The following HMCN1 variants were observed in gnomAD, a reference collection of about 807,000 sequenced individuals.
The protein encoded by HMCN1 is hemicentin 1, also known as hemicentin-1.
Under a neutral mutation model 625.9 loss-of-function variants are expected in HMCN1, and 321 were observed. The ratio of observed to expected loss-of-function variants is 0.51; its 90% CI spans 0.47 to 0.56. The LOEUF (loss-of-function observed/expected upper bound fraction) is 0.56, where lower values mean the gene tolerates loss of function less well. HMCN1 is among the 20% of genes least tolerant of loss of function. The pLI is 0.00. For missense variants in HMCN1, 6,588 were observed against 6,887.3 expected (o/e 0.96, Z 1.54); for synonymous variants, 2,425 against 2,417.6 (o/e 1.00, Z -0.09).
chr1:185,961,758 A>G (rs1371870541), intron 11 of HMCN1, among the ~76,000 whole-genome samples: 1 of 152,186 alleles, frequency 6.6e-6, no homozygotes, highest in East Asian at 1.9e-4. Flanking sequence ...TCCATTTTCA[A>G]AAGTCTTTTT....
chr1:186,073,735 CTGAG>C (rs996606811), intron 52 of HMCN1, among the ~76,000 whole-genome samples: 1 of 151,016 alleles, frequency 6.6e-6, no homozygotes, highest in Non-Finnish European at 1.5e-5. Flanking sequence ...CAGGAGGAGA[CTGAG>C]TGGCAGTGAA....
chr1:185,882,981 T>C (rs1664403302), intron 4 of HMCN1, among the ~76,000 whole-genome samples: 1 of 152,080 alleles, frequency 6.6e-6, no homozygotes, highest in South Asian at 2.1e-4. Context: ...CTCTGATCTC[T>C]ATTATAGTGC....
At chr1:186,114,206 C>T (rs543836470) in intron 73 of HMCN1, 83 bp downstream of exon 73, 9 of 1,397,668 alleles carry the variant, frequency 6.4e-6, no homozygotes, top group Non-Finnish European at 9.1e-6. Context: ...CTATTTTGGT[C>T]TCATTATGTT....
chr1:186,146,480 T>A (rs989575170), intron 93 of HMCN1, among the ~76,000 whole-genome samples: 16 of 152,160 alleles, frequency 1.1e-4, no homozygotes, highest in African/African-American at 3.6e-4. Flanking sequence ...ATACCTTGTC[T>A]CAGAAGGCAG....
At chr1:185,967,278 C>T (rs572507424) in intron 14 of HMCN1, among the ~76,000 whole-genome samples, 4 of 152,002 alleles carry the variant, frequency 2.6e-5, no homozygotes, top group Non-Finnish European at 5.9e-5. Context: ...GGACTGTGCT[C>T]CTTAATCAAT....
At chr1:186,079,269 T>C (rs530848194) in intron 55 of HMCN1, among the ~76,000 whole-genome samples, 47 of 152,292 alleles carry the variant, frequency 3.1e-4, no homozygotes, top group African/African-American at 1.1e-3. Flanking sequence ...AGGCCAGCTC[T>C]CTCTTGCAGT....
intron 1 of HMCN1, among the ~76,000 whole-genome samples, chr1:185,832,357 A>T (rs1405452126): frequency 6.6e-6 from 1 of 152,160 alleles, no homozygotes; most frequent in African/African-American, 2.4e-5. Flanking sequence ...GGCCAGAAAA[A>T]TTTAGCAAAA....
At chr1:186,134,963 C>T (rs1200344263) in intron 86 of HMCN1, among the ~76,000 whole-genome samples, 2 of 152,160 alleles carry the variant, frequency 1.3e-5, no homozygotes, top group Non-Finnish European at 2.9e-5. Flanking sequence ...CAGGGTGAAC[C>T]TTCCTTTCTA....
intron 86 of HMCN1, among the ~76,000 whole-genome samples, chr1:186,133,811 A>AG (rs1178587192): frequency 2.4e-5 from 3 of 122,628 alleles, no homozygotes; most frequent in Admixed American, 8.6e-5. Context: ...AACAAACCTG[A>AG]GAAAAAATGA....
At chr1:185,927,628 C>A (rs147097360) in intron 9 of HMCN1, among the ~76,000 whole-genome samples, 1 of 152,066 alleles carries the variant, frequency 6.6e-6, no homozygotes, top group Admixed American at 6.6e-5. Flanking sequence ...GGATGGGGAG[C>A]GATCTAGAGA....
At chr1:186,111,780 A>G (rs965546807) in intron 71 of HMCN1, among the ~76,000 whole-genome samples, 1 of 152,234 alleles carries the variant, frequency 6.6e-6, no homozygotes, top group Non-Finnish European at 1.5e-5. Context: ...CATCAAAGGT[A>G]ACATAATTTT....
At chr1:186,171,140 A>G (rs1301789780) in intron 100 of HMCN1, among the ~76,000 whole-genome samples, 197 bp from the exon 101 acceptor site, 1 of 152,206 alleles carries the variant, frequency 6.6e-6, no homozygotes, top group Non-Finnish European at 1.5e-5. Context: ...TCTACTTTTA[A>G]GAGTATTGAA....
intron 7 of HMCN1, 131 bp from the exon 8 acceptor site, chr1:185,923,259 A>G (rs6425011): frequency 0.032 from 23,538 of 736,258 alleles, 1,592 homozygotes; most frequent in African/African-American, 0.22. Flanking sequence ...TGTAGAAACA[A>G]TTCTGCAACT....
In HMCN1 at chr1:186,119,831, C is replaced by T. The variant is rs367750334; in HGVS notation, c.12043C>T (p.Pro4015Ser). 6.6e-5 allele frequency: 106 copies of T among 1,613,954 alleles called. No individual in the cohort carries two copies. The highest frequency in any genetic ancestry group is 8.2e-5 in the Non-Finnish European group (97 of 1,179,966). Residue 4015 changes from proline to serine, a missense_variant, in exon 79 of 107, where the codon CCC becomes TCC. Pro to Ser is a moderately conservative substitution (Grantham distance 74). This residue lies in a region of HMCN1 where 4,628 missense variants were observed against 4,853.1 expected (regional missense o/e 0.95). Transcript: ENST00000271588. ...ILLPCEATGT[P>S]SPFITWQKEG... ...ATTACCATGTGAAGCAACAGGGACA[C>T]CCAGTCCTTTCATTACTTGGCAAAA...
At chr1:185,751,165 CCTATGCATT>C (rs1251162158) in intron 1 of HMCN1, among the ~76,000 whole-genome samples, 1 of 152,102 alleles carries the variant, frequency 6.6e-6, no homozygotes, top group African/African-American at 2.4e-5. Context: ...CCCCACCAAC[CCTATGCATT>C]CTTTACATTC....
chr1:185,759,583 A>G (rs750910937), intron 1 of HMCN1, among the ~76,000 whole-genome samples: 7 of 152,240 alleles, frequency 4.6e-5, no homozygotes, highest in Non-Finnish European at 8.8e-5. Flanking sequence ...GCAAATGCTT[A>G]AGTAATATTT....
intron 2 of HMCN1, among the ~76,000 whole-genome samples, chr1:185,860,767 T>G (rs980461971): frequency 1.3e-5 from 2 of 152,140 alleles, no homozygotes; most frequent in African/African-American, 4.8e-5. Context: ...TCTGTGGGGT[T>G]TTAGTTGTGT....
chr1:185,747,418 A>G (rs556707600), intron 1 of HMCN1, among the ~76,000 whole-genome samples: 1 of 151,866 alleles, frequency 6.6e-6, no homozygotes, highest in South Asian at 2.1e-4. Context: ...TCCTTGGTTC[A>G]AGCAATTCTC....
rs556364086 is a variant in HMCN1 at position 185,994,858 on chromosome 1, A to T, written c.3549A>T (p.Gln1183His). 725 of 1,613,718 alleles carry T rather than the reference A, an allele frequency of 4.5e-4. 4 individuals carry two copies. The South Asian group carries it at 7.6e-3, about 17-fold the overall frequency. ...GTGGACCTAAACATCTCAAAGTCCAAGTTGGTCAAAGAGTGGATATTCCAT... is the reference window on the plus strand; with the variant it reads ...GTGGACCTAAACATCTCAAAGTCCATGTTGGTCAAAGAGTGGATATTCCAT... Reference protein sequence around the residue: ...IQRGPKHLKVQVGQRVDIPCN... With the variant: ...IQRGPKHLKVHVGQRVDIPCN... Residue 1183 changes from glutamine to histidine, a missense_variant, in exon 24 of 107, where the codon CAA becomes CAT. Around this residue, in one of 3 missense-constraint regions of HMCN1, gnomAD observed 4,628 missense variants for 4,853.1 expected, o/e 0.95. Coordinates refer to ENST00000271588, the MANE Select transcript of HMCN1 (RefSeq NM_031935.3).
Sources: gnomAD v4.1 joint callset for allele counts (sites outside exome capture counted in the v4.1 genomes callset) on GRCh38, gnomAD v4.1.1 for gene constraint, gnomAD v4.1.1 regional missense constraint, MANE v1.5 for transcripts, NCBI Gene and HGNC (gene_info 2026-07-23, HGNC 2026-07-21) for gene names.